The following R3HCC1L variants were observed in gnomAD, a reference collection of about 807,000 sequenced individuals.
R3HCC1L encodes coiled-coil domain-containing protein R3HCC1L.
In R3HCC1L, 51 loss-of-function variants were observed where a neutral mutation model predicts 59.9. The ratio of observed to expected loss-of-function variants is 0.85; its 90% CI spans 0.68 to 1.07. R3HCC1L has a LOEUF of 1.07. Among genes scored for constraint, R3HCC1L ranks in the 50% least tolerant of loss-of-function variants. The pLI is 0.00. For synonymous variants in R3HCC1L, 322 were observed against 315.2 expected, an observed-to-expected ratio of 1.02 and a Z score of -0.23; for missense variants, 965 against 933.0, an observed-to-expected ratio of 1.03 and a Z score of -0.45.
Position 98,163,663 on chromosome 10 carries a change from C to T in R3HCC1L, c.-15+266C>T, listed in dbSNP as rs533179669. Among the ~76,000 whole-genome samples the T allele has an allele frequency of 9.9e-5, 15 of 152,266 alleles. No homozygotes were observed. The South Asian group carries it at 2.9e-3, about 29-fold the overall frequency. ...TTGGGATTCGTTTTCAAAGTTGGAT[C>T]ACTAGCTTTGCTCTGTCTCTTTCCA... On this transcript the variant is annotated intron_variant, in intron 4 of 9. Transcript: ENST00000298999.
intron 8 of R3HCC1L, among the ~76,000 whole-genome samples, chr10:98,235,820 T>C (rs930214950): frequency 6.6e-6 from 1 of 152,242 alleles, no homozygotes; most frequent in African/African-American, 2.4e-5. Context: ...TAAGATACTT[T>C]GTTAATGCAG....
intron 5 of R3HCC1L, among the ~76,000 whole-genome samples, chr10:98,218,714 C>G (rs1306691583): frequency 1.3e-5 from 2 of 152,094 alleles, no homozygotes; most frequent in African/African-American, 4.8e-5. Flanking sequence ...CAGTGTAAAT[C>G]CAATGTTTCT....
At chr10:98,231,758 T>C (rs1432667916) in intron 6 of R3HCC1L, 71 bp downstream of exon 6, 2 of 1,398,236 alleles carry the variant, frequency 1.4e-6, no homozygotes, top group Non-Finnish European at 1.9e-6. Context: ...TTCTGAGAAA[T>C]CATCTCTTGT....
chr10:98,147,915 T>A (rs995221441), intron 1 of R3HCC1L, among the ~76,000 whole-genome samples: 1 of 152,154 alleles, frequency 6.6e-6, no homozygotes, highest in Non-Finnish European at 1.5e-5. Flanking sequence ...TCTGTATAAT[T>A]TTTTTGATTG....
intron 4 of R3HCC1L, among the ~76,000 whole-genome samples, chr10:98,171,041 A>G (rs886188480): frequency 2.6e-5 from 4 of 152,196 alleles, no homozygotes; most frequent in African/African-American, 4.8e-5. Flanking sequence ...ATTTGTGGCC[A>G]CCTTCCTTCC....
Position 98,224,742 on chromosome 10 carries a change from A to G in R3HCC1L, c.1786-6770A>G, listed in dbSNP as rs1026888637. Among the ~76,000 whole-genome samples the G allele has an allele frequency of 4.6e-5, 7 of 152,372 alleles. No individual in the cohort carries two copies. The East Asian group carries it at 5.8e-4, about 13-fold the overall frequency. Reference sequence around the variant, plus strand: ...CTTGGTCTATAATAGATAGATCAGAATGAATGAAATTCTAAACGTCTACCA... The same window carrying G: ...CTTGGTCTATAATAGATAGATCAGAGTGAATGAAATTCTAAACGTCTACCA... On this transcript the variant is annotated intron_variant, in intron 5 of 9. Transcript: ENST00000298999.
At chr10:98,153,441 C>T (rs1033813829) in intron 1 of R3HCC1L, among the ~76,000 whole-genome samples, 3 of 151,862 alleles carry the variant, frequency 2.0e-5, no homozygotes, top group African/African-American at 7.3e-5. Context: ...ATCACCACTC[C>T]CTAATCTCAA....
chr10:98,159,224 G>C (rs562761617), intron 2 of R3HCC1L, among the ~76,000 whole-genome samples: 3 of 152,110 alleles, frequency 2.0e-5, no homozygotes, highest in African/African-American at 7.2e-5. Context: ...CAGGAATACC[G>C]CAAAGTATTG....
At chr10:98,224,714 T>A (rs760707592) in intron 5 of R3HCC1L, among the ~76,000 whole-genome samples, 20 of 152,242 alleles carry the variant, frequency 1.3e-4, no homozygotes, top group Non-Finnish European at 2.6e-4. Flanking sequence ...TTGTAAACTT[T>A]CCCTTGGTCT....
intron 4 of R3HCC1L, among the ~76,000 whole-genome samples, chr10:98,201,505 C>CT (rs936668722): frequency 3.2e-4 from 49 of 151,058 alleles, no homozygotes; most frequent in Middle Eastern, 3.4e-3. Context: ...AATATACTGT[C>CT]TAAGTATTTT....
intron 4 of R3HCC1L, among the ~76,000 whole-genome samples, chr10:98,190,452 T>C (rs1459033987): frequency 1.3e-5 from 2 of 152,230 alleles, no homozygotes; most frequent in Non-Finnish European, 2.9e-5. Flanking sequence ...CAGAAAATAT[T>C]TTCTATGCCT....
intron 6 of R3HCC1L, among the ~76,000 whole-genome samples, chr10:98,233,223 C>T (rs952112853): frequency 2.6e-5 from 4 of 152,094 alleles, no homozygotes; most frequent in Non-Finnish European, 5.9e-5. Flanking sequence ...GATCAATTAA[C>T]TCTTACAAAC....
rs115268639 is a variant in R3HCC1L at position 98,236,125 on chromosome 10, G to A, written c.2230G>A (p.Glu744Lys). The change falls in exon 9 of 10, where the codon GAA becomes AAA. Residue 744 changes from glutamate to lysine, a missense_variant. Physicochemically the swap from Glu to Lys is moderately conservative, Grantham distance 56. Coordinates refer to ENST00000298999, the MANE Select transcript of R3HCC1L (RefSeq NM_001351015.2). ...LGVRSKQSKTEREAELKKLQE... is the reference protein window; with the variant it reads ...LGVRSKQSKTKREAELKKLQE... ...GGTTCGAAGTAAGCAGAGCAAAACC[G>A]AACGAGAAGCAGAGCTCAAGAAACT... 1,366 of 1,613,862 alleles carry A rather than the reference G, an allele frequency of 8.5e-4. 9 individuals are homozygous for A. In the African/African-American group the frequency reaches 0.01, roughly 12 times the overall value.
chr10:98,136,197 GT>G (rs746954695), intron 1 of R3HCC1L, among the ~76,000 whole-genome samples: 1 of 152,092 alleles, frequency 6.6e-6, no homozygotes, highest in Non-Finnish European at 1.5e-5. Flanking sequence ...AGAAAGTGTA[GT>G]TAGGTATTTT....
chr10:98,135,702 C>G (rs1215218916), intron 1 of R3HCC1L, among the ~76,000 whole-genome samples: 1 of 152,186 alleles, frequency 6.6e-6, no homozygotes, highest in Non-Finnish European at 1.5e-5. Context: ...CAATTTAAAA[C>G]TTCATCTGGA....
At position 98,208,900 on chromosome 10, in the gene R3HCC1L, A is replaced by G; in HGVS notation, c.786A>G (p.Gly262=). The G allele has an allele frequency of 1.2e-6, 2 of 1,614,166 alleles. No individual in the cohort carries two copies. The highest frequency in any genetic ancestry group is 2.2e-5 in the South Asian group (2 of 91,084). The change falls in exon 5 of 10, where the codon GGA becomes GGG. Residue 262 remains glycine (G), a synonymous_variant. Transcript: ENST00000298999. ...ATGGAATATTGAATCCCAGCAGCGG[A>G]GGCATCACCACTACTTCTGTTCCTG... is the stretch of plus-strand genomic sequence containing the variant. ...TSDGILNPSS[G]GITTTSVPGS... is the part of the protein sequence containing the mutation.
intron 1 of R3HCC1L, among the ~76,000 whole-genome samples, chr10:98,145,901 A>T (rs1366767328): frequency 6.6e-6 from 1 of 151,898 alleles, no homozygotes; most frequent in Non-Finnish European, 1.5e-5. Context: ...GTGAGCCAAG[A>T]TCACTCCACT....
intron 4 of R3HCC1L, among the ~76,000 whole-genome samples, chr10:98,191,828 A>G (rs1470012790): frequency 2.6e-5 from 4 of 152,090 alleles, no homozygotes; most frequent in African/African-American, 7.2e-5. Context: ...CAATTTTTGT[A>G]TAAGGTGTAA....
rs145596543 is a variant in R3HCC1L, at chr10:98,154,526, A to G, written c.-267-1567A>G. Among the ~76,000 whole-genome samples the G allele has an allele frequency of 5.4e-4, 82 of 152,292 alleles. 6 individuals are homozygous for G. In the East Asian group the frequency reaches 0.016, roughly 29 times the overall value. ...ACACTCAGAACATTTTAGATTTTGT[A>G]GCATTATAGATTTTGGATTAGGGAG... On this transcript the variant is annotated intron_variant, in intron 1 of 9. Transcript: ENST00000298999.
Sources: allele counts gnomAD v4.1 joint callset (sites outside exome capture counted in the v4.1 genomes callset), GRCh38; gene constraint gnomAD v4.1.1; transcripts MANE v1.5; gene names NCBI Gene and HGNC (gene_info 2026-07-23, HGNC 2026-07-21).